The following RASEF variants were observed in gnomAD, a reference collection of about 807,000 sequenced individuals.
RASEF encodes ras and EF-hand domain-containing protein.
Under a neutral mutation model 90.1 loss-of-function variants are expected in RASEF, and 68 were observed. The observed-to-expected ratio is 0.75, with a 90% confidence interval of 0.62 to 0.92. RASEF has a LOEUF of 0.92. Among genes scored for constraint, RASEF ranks in the 40% least tolerant of loss-of-function variants. RASEF has a pLI of 0.00. For synonymous variants in RASEF, 331 were observed against 345.2 expected (o/e 0.96, Z 0.46); for missense variants, 949 against 937.2 (o/e 1.01, Z -0.16).
At chr9:83,195,771 C>T in the RASEF span, among the ~76,000 whole-genome samples, 3 of 151,942 alleles carry the variant, frequency 2.0e-5, no homozygotes, top group Non-Finnish European at 4.4e-5. Flanking sequence ...TGAATTCTGA[C>T]AGCTACTGAC....
chr9:82,989,219 T>C (rs1828768012), intron 16 of RASEF, among the ~76,000 whole-genome samples: 2 of 129,130 alleles, frequency 1.5e-5, no homozygotes, highest in East Asian at 6.1e-4. Context: ...TATGTATGTG[T>C]GCATGTGTGC....
At chr9:83,124,028 T>A in the RASEF span, among the ~76,000 whole-genome samples, 1 of 152,236 alleles carries the variant, frequency 6.6e-6, no homozygotes, top group Non-Finnish European at 1.5e-5. Flanking sequence ...AGGTACCTCA[T>A]GTCAGTGGGA....
At chr9:83,190,362 T>G in the RASEF span, among the ~76,000 whole-genome samples, 2 of 152,214 alleles carry the variant, frequency 1.3e-5, no homozygotes, top group East Asian at 3.8e-4. Flanking sequence ...TTGTAAATCA[T>G]AAAAGAGACC....
At chr9:83,159,452 C>G in the RASEF span, among the ~76,000 whole-genome samples, 2 of 151,932 alleles carry the variant, frequency 1.3e-5, no homozygotes, top group African/African-American at 2.4e-5. Context: ...TTGAAAAGCT[C>G]CAATTATAAA....
At chr9:83,040,385 C>T (rs1587515748) in intron 1 of RASEF, among the ~76,000 whole-genome samples, 1 of 152,104 alleles carries the variant, frequency 6.6e-6, no homozygotes, top group East Asian at 1.9e-4. Flanking sequence ...TTGTTAATAA[C>T]ATATATGTGA....
chr9:83,000,265 T>C lies in RASEF; in HGVS notation c.1627A>G (p.Lys543Glu). Residue 543 changes from lysine to glutamate, a missense_variant, in exon 12 of 17, where the codon AAG becomes GAG. By Grantham distance (56) the Lys-to-Glu change is moderately conservative. Coordinates refer to ENST00000376447, the MANE Select transcript of RASEF (RefSeq NM_152573.4). ...AKSFSSQKAY[K>E]IVLAGDAAVG... ...GCAGCGTCCCCAGCAAGTACAATCT[T>C]GTAAGCCTTCTGTGAGCTAAAAGAT... The C allele has an allele frequency of 1.2e-6, 2 of 1,614,124 alleles. No individual in the cohort carries two copies. The highest frequency in any genetic ancestry group is 1.7e-6 in the Non-Finnish European group (2 of 1,180,018).
chr9:82,999,672 C>T (rs1374569415), intron 12 of RASEF, among the ~76,000 whole-genome samples: 9 of 149,178 alleles, frequency 6.0e-5, no homozygotes, highest in South Asian at 2.1e-4. Context: ...GGTGTGATCT[C>T]GGCTCACTGC....
intron 16 of RASEF, among the ~76,000 whole-genome samples, chr9:82,985,526 C>T (rs1489251939): frequency 2.6e-5 from 4 of 152,120 alleles, no homozygotes; most frequent in Non-Finnish European, 5.9e-5. Flanking sequence ...CAGCCACATG[C>T]TAAGGAGCTG....
the RASEF span, among the ~76,000 whole-genome samples, chr9:83,199,254 A>G: frequency 2.4e-5 from 3 of 123,042 alleles, no homozygotes; most frequent in African/African-American, 8.9e-5. Flanking sequence ...AAAAAAAAAA[A>G]GCACCTGACC....
chr9:83,097,588 G>A, the RASEF span, among the ~76,000 whole-genome samples: 229 of 152,232 alleles, frequency 1.5e-3, no homozygotes, highest in Non-Finnish European at 2.5e-3. Flanking sequence ...ACAAGTGGGC[G>A]AAGGACATGA....
chr9:83,122,351 C>T, the RASEF span, among the ~76,000 whole-genome samples: 2 of 152,272 alleles, frequency 1.3e-5, no homozygotes, highest in East Asian at 1.9e-4. Context: ...AATCAAAAGG[C>T]GATTTAGTAA....
the RASEF span, among the ~76,000 whole-genome samples, chr9:83,089,369 G>C: frequency 6.6e-6 from 1 of 151,972 alleles, no homozygotes; most frequent in Non-Finnish European, 1.5e-5. Flanking sequence ...GTAGTTACCT[G>C]TTCTAGTGCT....
the RASEF span, among the ~76,000 whole-genome samples, chr9:83,102,303 C>G: frequency 6.6e-6 from 1 of 152,182 alleles, no homozygotes; most frequent in Non-Finnish European, 1.5e-5. Flanking sequence ...GTCTCAAATT[C>G]CTGACCTCAG....
At chr9:83,206,615 C>T in the RASEF span, among the ~76,000 whole-genome samples, 1 of 152,190 alleles carries the variant, frequency 6.6e-6, no homozygotes, top group Admixed American at 6.5e-5. Flanking sequence ...ACAGTATACG[C>T]TATATGCTGA....
chr9:83,198,551 C>A, the RASEF span, among the ~76,000 whole-genome samples: 1 of 152,154 alleles, frequency 6.6e-6, no homozygotes, highest in African/African-American at 2.4e-5. Context: ...GGCAGCACCA[C>A]AGGGAGATAC....
intron 16 of RASEF, among the ~76,000 whole-genome samples, chr9:82,987,323 T>C (rs1280374928): frequency 6.6e-6 from 1 of 152,194 alleles, no homozygotes. Flanking sequence ...CAGGCCATAA[T>C]GCAATAACAA....
At position 83,062,545 on chromosome 9, in the gene RASEF, T is replaced by C. The variant is rs756991334; in HGVS notation, c.323A>G (p.Asp108Gly). The change falls in exon 1 of 17, where the codon GAC (aspartate) becomes GGC (glycine). Residue 108 changes from aspartate to glycine, a missense_variant. Transcript: ENST00000376447. Reference sequence around the variant, plus strand: ...GGCCAGCGCCGCCGCCGCGTCCTCGTCGCCTTCGTCCTCCTCGCTGTCGTG... The same window carrying C: ...GGCCAGCGCCGCCGCCGCGTCCTCGCCGCCTTCGTCCTCCTCGCTGTCGTG... ...ETHDSEEDEGDEDAAAALATS... is the reference protein window; with the variant it reads ...ETHDSEEDEGGEDAAAALATS... 2 of 1,604,268 alleles carry C rather than the reference T, an allele frequency of 1.2e-6. No homozygotes were observed. Among genetic ancestry groups the C allele is most frequent in the South Asian group, 1.1e-5 (1 of 90,214 alleles).
the RASEF span, among the ~76,000 whole-genome samples, chr9:83,091,709 A>T: frequency 6.6e-6 from 1 of 152,144 alleles, no homozygotes; most frequent in Non-Finnish European, 1.5e-5. Flanking sequence ...CATTCAACAA[A>T]CAATCCCTGG....
intron 1 of RASEF, among the ~76,000 whole-genome samples, chr9:83,058,064 C>T (rs1450604501): frequency 6.6e-6 from 1 of 150,806 alleles, no homozygotes; most frequent in African/African-American, 2.4e-5. Flanking sequence ...CTCTTCCTTT[C>T]CCCTCCATCT....
Sources: allele counts gnomAD v4.1 joint callset (sites outside exome capture counted in the v4.1 genomes callset), GRCh38; gene constraint gnomAD v4.1.1; transcripts MANE v1.5; gene names NCBI Gene and HGNC (gene_info 2026-07-23, HGNC 2026-07-21).